Variants in RNU6-7 observed in about 807,000 individuals in gnomAD.
The protein encoded by RNU6-7 is RNA, U6 small nuclear 7.
chr14:32,202,094 A>G (rs1024252837), exon 1 of RNU6-7: 1 of 152,402 alleles, frequency 6.6e-6, no homozygotes, highest in African/African-American at 2.4e-5. Context: ...TACAGAGAAG[A>G]TTAGCATGGC....
exon 1 of RNU6-7, chr14:32,202,147 T>C (rs1463761336): frequency 6.6e-6 from 1 of 152,370 alleles, no homozygotes; most frequent in Non-Finnish European, 1.5e-5. Context: ...GCGTTCCATA[T>C]TTTGCGCGGT....
exon 1 of RNU6-7, chr14:32,202,090 G>A (rs376932697): frequency 2.7e-4 from 41 of 152,538 alleles, no homozygotes; most frequent in African/African-American, 9.9e-4. Flanking sequence ...ACGATACAGA[G>A]AAGATTAGCA....
exon 1 of RNU6-7, chr14:32,202,148 T>C (rs1267761299): frequency 1.3e-5 from 2 of 152,350 alleles, no homozygotes; most frequent in Admixed American, 6.5e-5. Context: ...CGTTCCATAT[T>C]TTGCGCGGTT....
At chr14:32,202,099 C>CT (rs1250492429) in exon 1 of RNU6-7, 1 of 152,392 alleles carries the variant, frequency 6.6e-6, no homozygotes, top group Non-Finnish European at 1.5e-5. Context: ...AGAAGATTAG[C>CT]ATGGCCCCTG....
chr14:32,202,054 T>C (rs1882816844), exon 1 of RNU6-7: 1 of 152,386 alleles, frequency 6.6e-6, no homozygotes, highest in African/African-American at 2.4e-5. Context: ...CGTGCTCGCT[T>C]CGGCAGCACA....
chr14:32,202,133 T>G (rs1005065092), exon 1 of RNU6-7: 3 of 152,420 alleles, frequency 2.0e-5, no homozygotes, highest in African/African-American at 7.2e-5. Context: ...CGCAAATTCG[T>G]GAAGCGTTCC....
At chr14:32,202,142 C>G (rs1047865286) in exon 1 of RNU6-7, 3 of 152,366 alleles carry the variant, frequency 2.0e-5, no homozygotes, top group East Asian at 1.9e-4. Flanking sequence ...GTGAAGCGTT[C>G]CATATTTTGC....
At chr14:32,202,077 G>GC in exon 1 of RNU6-7, 1 of 152,496 alleles carries the variant, frequency 6.6e-6, no homozygotes, top group Admixed American at 6.5e-5. Flanking sequence ...TACTAAAATT[G>GC]GAACGATACA....
exon 1 of RNU6-7, chr14:32,202,100 A>C (rs924695056): frequency 6.6e-6 from 1 of 152,412 alleles, no homozygotes; most frequent in Non-Finnish European, 1.5e-5. Flanking sequence ...GAAGATTAGC[A>C]TGGCCCCTGC....
exon 1 of RNU6-7, chr14:32,202,057 G>A (rs1167920056): frequency 1.3e-5 from 2 of 152,388 alleles, no homozygotes; most frequent in Non-Finnish European, 2.9e-5. Flanking sequence ...GCTCGCTTCG[G>A]CAGCACATAT....
At chr14:32,202,145 T>A (rs1382340207) in exon 1 of RNU6-7, 1 of 152,364 alleles carries the variant, frequency 6.6e-6, no homozygotes, top group African/African-American at 2.4e-5. Context: ...AAGCGTTCCA[T>A]ATTTTGCGCG....
chr14:32,202,049 T>G (rs943294964), exon 1 of RNU6-7: 1 of 152,366 alleles, frequency 6.6e-6, no homozygotes, highest in South Asian at 2.1e-4. Flanking sequence ...ATTTGCGTGC[T>G]CGCTTCGGCA....
exon 1 of RNU6-7, chr14:32,202,081 C>G (rs545672566): frequency 1.3e-5 from 2 of 152,362 alleles, no homozygotes; most frequent in African/African-American, 4.8e-5. Context: ...AAAATTGGAA[C>G]GATACAGAGA....
chr14:32,202,146 A>G (rs559593493), exon 1 of RNU6-7: 1 of 152,330 alleles, frequency 6.6e-6, no homozygotes, highest in African/African-American at 2.4e-5. Flanking sequence ...AGCGTTCCAT[A>G]TTTTGCGCGG....
At chr14:32,202,109 G>A (rs1882819672) in exon 1 of RNU6-7, 1 of 152,410 alleles carries the variant, frequency 6.6e-6, no homozygotes, top group Non-Finnish European at 1.5e-5. Flanking sequence ...CATGGCCCCT[G>A]CGCAAGGATG....
chr14:32,202,069 C>T (rs1882817517), exon 1 of RNU6-7: 1 of 152,368 alleles, frequency 6.6e-6, no homozygotes, highest in Non-Finnish European at 1.5e-5. Flanking sequence ...AGCACATATA[C>T]TAAAATTGGA....
chr14:32,202,048 C>G (rs889004992), exon 1 of RNU6-7: 1 of 152,340 alleles, frequency 6.6e-6, no homozygotes, highest in African/African-American at 2.4e-5. Flanking sequence ...TATTTGCGTG[C>G]TCGCTTCGGC....
At chr14:32,202,106 C>T (rs989967433) in exon 1 of RNU6-7, 15 of 152,390 alleles carry the variant, frequency 9.8e-5, no homozygotes, top group African/African-American at 3.6e-4. Context: ...TAGCATGGCC[C>T]CTGCGCAAGG....
chr14:32,202,048 C>T (rs889004992), exon 1 of RNU6-7: 3 of 152,340 alleles, frequency 2.0e-5, no homozygotes, highest in Non-Finnish European at 2.9e-5. Context: ...TATTTGCGTG[C>T]TCGCTTCGGC....
Sources: gnomAD v4.1 joint callset for allele counts on GRCh38, gnomAD v4.1.1 for gene constraint, MANE v1.5 for transcripts, NCBI Gene and HGNC (gene_info 2026-07-23, HGNC 2026-07-21) for gene names.